CTNND2: variants seen among roughly 807,000 people sequenced by gnomAD.
The protein encoded by CTNND2 is catenin delta-2.
CTNND2 carries 22 observed loss-of-function variants against 144.4 expected under a neutral mutation model. The ratio of observed to expected loss-of-function variants is 0.15; its 90% CI spans 0.11 to 0.22. CTNND2 has a LOEUF of 0.22. Ranked by LOEUF, CTNND2 falls within the 10% of genes least tolerant of loss-of-function variation. The probability of loss-of-function intolerance (pLI) is 1.00; values close to 1 mark genes in which losing one functional copy is unlikely to be tolerated. For missense variants in CTNND2, 1,353 were observed against 1,618.8 expected (o/e 0.84, Z 2.82); for synonymous variants, 751 against 695.6 (o/e 1.08, Z -1.25).
chr5:11,518,750 C>T (rs577791441), intron 3 of CTNND2, among the ~76,000 whole-genome samples: 1 of 152,268 alleles, frequency 6.6e-6, no homozygotes, highest in African/African-American at 2.4e-5. Flanking sequence ...ACCTGCTGTA[C>T]AGGTTTATAG....
In CTNND2 at chr5:11,107,145, G is replaced by A. The variant is rs1311924665; in HGVS notation, c.2463+3713C>T. The stretch of plus-strand genomic sequence containing the variant: ...TGAAAGGATATATGCCCAGATGTAA[G>A]TTGTAACTATGAATCTCTCTAGAAG... On this transcript the variant is annotated intron_variant, in intron 14 of 21. Transcript: ENST00000304623. Among the ~76,000 whole-genome samples, 4 of 152,326 alleles carry A rather than the reference G, an allele frequency of 2.6e-5. No homozygotes were observed. In the East Asian group the frequency reaches 7.7e-4, roughly 29 times the overall value.
intron 3 of CTNND2, among the ~76,000 whole-genome samples, chr5:11,549,226 T>C (rs970979233): frequency 1.3e-5 from 2 of 152,192 alleles, no homozygotes; most frequent in African/African-American, 4.8e-5. Flanking sequence ...GACTATAGGT[T>C]GCTTGAGGGC....
chr5:11,275,501 C>G lies in CTNND2; in HGVS notation c.1629-38678G>C, dbSNP rs529064519. Among the ~76,000 whole-genome samples the G allele has an allele frequency of 2.0e-5, 3 of 152,334 alleles. No individual in the cohort carries two copies. The East Asian group carries it at 5.8e-4, about 29-fold the overall frequency. On this transcript the variant is annotated intron_variant, in intron 9 of 21. Coordinates refer to ENST00000304623, the MANE Select transcript of CTNND2 (RefSeq NM_001332.4). ...GATTCCCAGCTGGCCCACTGATGTACACATCTGCTTCTTAGTCTCTTCCAC... is the reference window on the plus strand; with the variant it reads ...GATTCCCAGCTGGCCCACTGATGTAGACATCTGCTTCTTAGTCTCTTCCAC...
chr5:11,575,104 T>A (rs1037759752), intron 2 of CTNND2, among the ~76,000 whole-genome samples: 3 of 152,182 alleles, frequency 2.0e-5, no homozygotes, highest in Non-Finnish European at 4.4e-5. Flanking sequence ...CTGAGAAGAA[T>A]TGTCCACCAC....
chr5:11,457,984 C>A (rs189340237), intron 3 of CTNND2, among the ~76,000 whole-genome samples: 1 of 152,276 alleles, frequency 6.6e-6, no homozygotes, highest in Non-Finnish European at 1.5e-5. Context: ...CAGCTCAGTT[C>A]CAGCTCTGCC....
chr5:11,706,348 T>C lies in CTNND2; in HGVS notation c.174+25788A>G, dbSNP rs140527623. Among the ~76,000 whole-genome samples the C allele has an allele frequency of 5.0e-3, 758 of 152,138 alleles. 9 individuals are homozygous for C. Among genetic ancestry groups the C allele is most frequent in the African/African-American group, 0.016 (663 of 41,494 alleles). On this transcript the variant is annotated intron_variant, in intron 2 of 21. Coordinates refer to ENST00000304623, the MANE Select transcript of CTNND2 (RefSeq NM_001332.4). Reference sequence around the variant, plus strand: ...CATTGGTGTGATCACTGAATCAAGGTGGTAAAATATGGGCCGAGCAAGGGA... The same window carrying C: ...CATTGGTGTGATCACTGAATCAAGGCGGTAAAATATGGGCCGAGCAAGGGA...
intron 2 of CTNND2, among the ~76,000 whole-genome samples, chr5:11,582,628 AAAAT>A (rs1778522589): frequency 1.3e-5 from 2 of 152,166 alleles, no homozygotes; most frequent in Non-Finnish European, 2.9e-5. Flanking sequence ...CACCTTTTCT[AAAAT>A]AACACCAACA....
At chr5:11,842,423 A>C (rs1049285785) in intron 1 of CTNND2, among the ~76,000 whole-genome samples, 2 of 152,076 alleles carry the variant, frequency 1.3e-5, no homozygotes, top group Non-Finnish European at 2.9e-5. Context: ...ACTGGACAAA[A>C]TCTCCTTAGA....
At chr5:11,656,319 G>C (rs1029692271) in intron 2 of CTNND2, among the ~76,000 whole-genome samples, 1 of 151,082 alleles carries the variant, frequency 6.6e-6, no homozygotes, top group Non-Finnish European at 1.5e-5. Flanking sequence ...AAACACTCTA[G>C]AAAAAAAGAG....
chr5:11,741,424 T>C (rs922675312), intron 1 of CTNND2, among the ~76,000 whole-genome samples: 1 of 152,084 alleles, frequency 6.6e-6, no homozygotes, highest in Non-Finnish European at 1.5e-5. Context: ...TGCAGGGACA[T>C]GGATGAAGCT....
chr5:11,066,043 C>CT (rs34270980), intron 16 of CTNND2, among the ~76,000 whole-genome samples: 42 of 142,946 alleles, frequency 2.9e-4, no homozygotes, highest in Middle Eastern at 7.0e-3. Context: ...AATCTTTTAT[C>CT]TTTTTTTTTT....
intron 1 of CTNND2, among the ~76,000 whole-genome samples, chr5:11,745,969 C>A (rs968402574): frequency 4.6e-5 from 7 of 152,106 alleles, no homozygotes; most frequent in Non-Finnish European, 1.0e-4. Context: ...ATATTTTATT[C>A]CATTTTATTT....
chr5:11,641,158 A>G (rs535167103), intron 2 of CTNND2, among the ~76,000 whole-genome samples: 1 of 152,254 alleles, frequency 6.6e-6, no homozygotes, highest in South Asian at 2.1e-4. Context: ...TTATTATTAC[A>G]TGTGAAATTG....
At position 11,159,797 on chromosome 5, in the gene CTNND2, C is replaced by T. The variant is rs375362836; in HGVS notation, c.1976-38G>A. ...CACAAAAAGAGGTTTTGGGTGGCCACAAGTTTTTCTCATCTCCAAAACTGT... is the reference window on the plus strand; with the variant it reads ...CACAAAAAGAGGTTTTGGGTGGCCATAAGTTTTTCTCATCTCCAAAACTGT... On this transcript the variant is annotated intron_variant, in intron 11 of 21. Transcript: ENST00000304623. 5.4e-6 allele frequency: 8 copies of T among 1,491,454 alleles called. No homozygotes were observed. In the African/African-American group the frequency reaches 1.1e-4, roughly 21 times the overall value. 92.4% of individuals were successfully genotyped at this position (1,491,454 alleles called of 1,614,324 possible). A position where few individuals can be genotyped will look rare whatever the true frequency, so the allele number is the denominator to read the frequency against.
chr5:11,301,554 T>A (rs1749611813), intron 9 of CTNND2, among the ~76,000 whole-genome samples: 1 of 152,206 alleles, frequency 6.6e-6, no homozygotes, highest in African/African-American at 2.4e-5. Context: ...TCTTTCTTGT[T>A]GTTTCTCTCC....
intron 9 of CTNND2, among the ~76,000 whole-genome samples, chr5:11,244,554 C>T (rs915101042): frequency 8.6e-5 from 13 of 152,046 alleles, no homozygotes; most frequent in African/African-American, 3.1e-4. Context: ...CAAAGTGCTG[C>T]GATTACAGGC....
intron 17 of CTNND2, among the ~76,000 whole-genome samples, chr5:11,018,932 C>T (rs1046229349): frequency 2.0e-5 from 3 of 152,096 alleles, no homozygotes; most frequent in African/African-American, 7.2e-5. Flanking sequence ...TGGTCTCGAA[C>T]TCCTGACCTC....
chr5:11,225,444 G>T (rs1288051501), intron 10 of CTNND2, among the ~76,000 whole-genome samples: 2 of 152,156 alleles, frequency 1.3e-5, no homozygotes, highest in Non-Finnish European at 2.9e-5. Context: ...GTTCTTGGTT[G>T]ACACTACCCA....
At chr5:11,886,773 T>C (rs1582068089) in intron 1 of CTNND2, among the ~76,000 whole-genome samples, 1 of 152,086 alleles carries the variant, frequency 6.6e-6, no homozygotes, top group African/African-American at 2.4e-5. Flanking sequence ...TAAAGAGTAA[T>C]TACACATTTT....
Sources: gnomAD v4.1 joint callset for allele counts (sites outside exome capture counted in the v4.1 genomes callset) on GRCh38, gnomAD v4.1.1 for gene constraint, MANE v1.5 for transcripts, NCBI Gene and HGNC (gene_info 2026-07-23, HGNC 2026-07-21) for gene names.